The following VPS13B variants were observed in gnomAD, a reference collection of about 807,000 sequenced individuals.
VPS13B encodes the protein vacuolar protein sorting 13 homolog B.
In VPS13B, 285 loss-of-function variants were observed where a neutral mutation model predicts 426.4. The ratio of observed to expected loss-of-function variants is 0.67; its 90% CI spans 0.61 to 0.74. VPS13B has a LOEUF of 0.74. Among genes scored for constraint, VPS13B ranks in the 30% least tolerant of loss-of-function variants. The pLI, the probability that VPS13B is intolerant of heterozygous loss-of-function variation, is 0.00. For synonymous variants in VPS13B, 1,676 were observed against 1,676.4 expected, an observed-to-expected ratio of 1.00 and a Z score of 0.01; for missense variants, 4,537 against 4,782.6, an observed-to-expected ratio of 0.95 and a Z score of 1.51.
intron 15 of VPS13B, among the ~76,000 whole-genome samples, chr8:99,168,640 A>G (rs866603160): frequency 3.9e-5 from 6 of 152,160 alleles, no homozygotes; most frequent in Middle Eastern, 3.4e-3. Context: ...CTTTGCATAC[A>G]TTATTGCTCA....
At chr8:99,565,031 G>A (rs916282706) in intron 31 of VPS13B, among the ~76,000 whole-genome samples, 1 of 152,146 alleles carries the variant, frequency 6.6e-6, no homozygotes, top group Non-Finnish European at 1.5e-5. Context: ...GTGACTTGCT[G>A]CTTTATATGG....
At chr8:99,442,961 C>G (rs894601213) in intron 23 of VPS13B, among the ~76,000 whole-genome samples, 6 of 151,964 alleles carry the variant, frequency 3.9e-5, no homozygotes, top group African/African-American at 1.2e-4. Flanking sequence ...GTAGATTGAT[C>G]TTAATTTAAG....
chr8:99,459,354 T>C (rs1227483549), intron 23 of VPS13B, among the ~76,000 whole-genome samples: 1 of 152,224 alleles, frequency 6.6e-6, no homozygotes, highest in Non-Finnish European at 1.5e-5. Flanking sequence ...TTTTTAGTTG[T>C]CTATTTTAGC....
intron 19 of VPS13B, among the ~76,000 whole-genome samples, chr8:99,327,940 G>A (rs866944486): frequency 1.2e-4 from 18 of 152,154 alleles, no homozygotes; most frequent in Admixed American, 4.6e-4. Flanking sequence ...ATCAGTCAAG[G>A]TTTAATTAGA....
In VPS13B at chr8:99,817,820, A is replaced by G. The variant is rs775795057; in HGVS notation, c.8361+17A>G. On this transcript the variant is annotated intron_variant, in intron 45 of 61. Coordinates refer to ENST00000357162, the MANE Select transcript of VPS13B (RefSeq NM_152564.5). ...GTCATTCAGGTTTGAAAAGACGTTC[A>G]ATCTAGAATAGAGCAGCTTTACCAT... The G allele has an allele frequency of 6.2e-7, 1 of 1,614,010 alleles. No homozygotes were observed. Among genetic ancestry groups the G allele is most frequent in the South Asian group, 1.1e-5 (1 of 91,076 alleles).
chr8:99,421,699 A>T lies in VPS13B; in HGVS notation c.3083-9838A>T, dbSNP rs571203092. 6.6e-5 allele frequency among the ~76,000 whole-genome samples: 10 copies of T among 152,032 alleles called. No homozygotes were observed. The East Asian group carries it at 9.7e-4, about 15-fold the overall frequency. ...GGCTAAACAGGGTATTATTATTATTATTTTTTGAGACTCCATCACCCAGGC... is the reference window on the plus strand; with the variant it reads ...GGCTAAACAGGGTATTATTATTATTTTTTTTTGAGACTCCATCACCCAGGC... On this transcript the variant is annotated intron_variant, in intron 21 of 61. Coordinates refer to ENST00000357162, the MANE Select transcript of VPS13B (RefSeq NM_152564.5).
intron 12 of VPS13B, among the ~76,000 whole-genome samples, chr8:99,140,368 CAAAAAAAAAAAA>C (rs5893482): frequency 2.7e-5 from 2 of 74,672 alleles, no homozygotes; most frequent in East Asian, 2.8e-4. Context: ...AGCTCTGTCT[CAAAAAAAAAAAA>C]AAAAAAAAAA....
intron 44 of VPS13B, among the ~76,000 whole-genome samples, chr8:99,817,078 A>G (rs1814081693): frequency 6.6e-6 from 1 of 151,868 alleles, no homozygotes; most frequent in Non-Finnish European, 1.5e-5. Context: ...CAGCAAAACT[A>G]CTGTCCCCTG....
At chr8:99,819,897 T>C (rs780584537) in intron 48 of VPS13B, 24 bp from the exon 49 acceptor site, 53 of 1,612,760 alleles carry the variant, frequency 3.3e-5, no homozygotes, top group Non-Finnish European at 3.6e-5. Flanking sequence ...TCATTGAGTC[T>C]CTTGGATGTG....
chr8:99,747,258 G>A (rs117478851), intron 39 of VPS13B, among the ~76,000 whole-genome samples: 2 of 147,840 alleles, frequency 1.4e-5, no homozygotes, highest in Non-Finnish European at 3.0e-5. Context: ...AAGCAGGCCA[G>A]AAGTTAGAAA....
intron 15 of VPS13B, 81 bp downstream of exon 15, chr8:99,156,824 G>A: frequency 7.3e-7 from 1 of 1,377,558 alleles, no homozygotes; most frequent in Non-Finnish European, 1.0e-6. Context: ...TCTTGATGTT[G>A]TAATTTCAGA....
intron 17 of VPS13B, among the ~76,000 whole-genome samples, chr8:99,197,875 C>T (rs919515730): frequency 1.2e-4 from 18 of 151,838 alleles, no homozygotes; most frequent in Admixed American, 5.2e-4. Flanking sequence ...TGTGGTTTTC[C>T]CCAAGATTTC....
At chr8:99,119,627 T>C (rs1484394783) in intron 7 of VPS13B, among the ~76,000 whole-genome samples, 1 of 152,026 alleles carries the variant, frequency 6.6e-6, no homozygotes, top group African/African-American at 2.4e-5. Flanking sequence ...GTTATTTTAG[T>C]TACTCTAGTT....
chr8:99,189,506 G>T (rs777995674), intron 16 of VPS13B, among the ~76,000 whole-genome samples: 1 of 149,064 alleles, frequency 6.7e-6, no homozygotes. Context: ...CATTGTGCAC[G>T]TTGTAGTTTA....
chr8:99,603,590 A>G (rs994144874), intron 33 of VPS13B, among the ~76,000 whole-genome samples: 4 of 152,222 alleles, frequency 2.6e-5, no homozygotes, highest in African/African-American at 7.2e-5. Context: ...GGCGGGTCAT[A>G]TATACCACAT....
chr8:99,874,281 T>C (rs1357362575), intron 61 of VPS13B, among the ~76,000 whole-genome samples: 2 of 152,214 alleles, frequency 1.3e-5, no homozygotes, highest in South Asian at 2.1e-4. Context: ...TCAAATGATA[T>C]CAGAGCTCTG....
At chr8:99,747,712 G>C (rs945214903) in intron 39 of VPS13B, among the ~76,000 whole-genome samples, 4 of 152,138 alleles carry the variant, frequency 2.6e-5, no homozygotes, top group African/African-American at 4.8e-5. Context: ...TGAGGAAAAA[G>C]CCTCTTAAAT....
chr8:99,343,134 G>A (rs1432689167), intron 19 of VPS13B, among the ~76,000 whole-genome samples: 7 of 146,876 alleles, frequency 4.8e-5, no homozygotes, highest in Admixed American at 2.1e-4. Context: ...TCGCTCTGTC[G>A]CCAGGCTGGA....
At chr8:99,624,007 A>ATTTTTTTTTTT (rs1165382455) in intron 33 of VPS13B, among the ~76,000 whole-genome samples, 1 of 101,122 alleles carries the variant, frequency 9.9e-6, no homozygotes, top group African/African-American at 4.4e-5. Context: ...ATATATATAT[A>ATTTTTTTTTTT]TTTTTTTTTT....
Sources: allele counts gnomAD v4.1 joint callset (sites outside exome capture counted in the v4.1 genomes callset), GRCh38; gene constraint gnomAD v4.1.1; transcripts MANE v1.5; gene names NCBI Gene and HGNC (gene_info 2026-07-23, HGNC 2026-07-21).